The following CELF2 variants were observed in gnomAD, a reference collection of about 807,000 sequenced individuals.
CELF2 encodes the protein CUG triplet repeat RNA-binding protein 2.
In CELF2, 8 loss-of-function variants were observed where a neutral mutation model predicts 62.6. That is an observed-to-expected ratio of 0.13 (90% CI 0.07 to 0.23). The LOEUF (loss-of-function observed/expected upper bound fraction) is 0.23, where lower values mean the gene tolerates loss of function less well. CELF2 is among the 10% of genes least tolerant of loss of function. The pLI is 1.00. For missense variants in CELF2, 333 were observed against 671.0 expected (o/e 0.50, Z 5.56); for synonymous variants, 258 against 250.0 (o/e 1.03, Z -0.30).
chr10:11,105,169 C>T (rs1246826525), intron 1 of CELF2, among the ~76,000 whole-genome samples: 5 of 152,150 alleles, frequency 3.3e-5, no homozygotes, highest in African/African-American at 4.8e-5. Flanking sequence ...TTTCACTAAA[C>T]GAAAAACAAA....
the CELF2 span, among the ~76,000 whole-genome samples, chr10:10,779,213 A>G: frequency 6.6e-6 from 1 of 152,136 alleles, no homozygotes; most frequent in Non-Finnish European, 1.5e-5. Context: ...GCGTATCTCC[A>G]AGGTTTAAAG....
At chr10:11,024,138 G>C (rs1341692733) in intron 1 of CELF2, among the ~76,000 whole-genome samples, 2 of 152,132 alleles carry the variant, frequency 1.3e-5, no homozygotes, top group Non-Finnish European at 2.9e-5. Flanking sequence ...TTTTACTTAA[G>C]GTTGGGTTTT....
chr10:10,953,394 T>C (rs950870696), intron 2 of CELF2, among the ~76,000 whole-genome samples: 2 of 152,234 alleles, frequency 1.3e-5, no homozygotes, highest in African/African-American at 4.8e-5. Context: ...AGAAGAATAT[T>C]GAGTGTGCTT....
chr10:10,551,439 G>A, the CELF2 span, among the ~76,000 whole-genome samples: 10 of 152,052 alleles, frequency 6.6e-5, no homozygotes, highest in South Asian at 2.1e-4. Context: ...CCTTTGGCCC[G>A]GCAGCTGGGG....
chr10:11,060,520 T>C (rs2066469058), intron 1 of CELF2, among the ~76,000 whole-genome samples: 1 of 152,234 alleles, frequency 6.6e-6, no homozygotes, highest in African/African-American at 2.4e-5. Flanking sequence ...TTTAAAACTC[T>C]CCTTGGCTGC....
the CELF2 span, among the ~76,000 whole-genome samples, chr10:10,774,883 A>T: frequency 1.3e-3 from 186 of 145,476 alleles, no homozygotes; most frequent in Middle Eastern, 3.5e-3. Flanking sequence ...TTATTTATTT[A>T]TTTTTTTTTT....
At chr10:10,757,270 C>A in the CELF2 span, among the ~76,000 whole-genome samples, 6 of 151,794 alleles carry the variant, frequency 4.0e-5, no homozygotes, top group East Asian at 1.2e-3. Flanking sequence ...CCAGCCAGGA[C>A]AACAAAGCAA....
the CELF2 span, among the ~76,000 whole-genome samples, chr10:10,674,454 T>G: frequency 6.6e-6 from 1 of 152,226 alleles, no homozygotes; most frequent in South Asian, 2.1e-4. Flanking sequence ...AATTGAGTCT[T>G]GTTGTTTGAT....
In CELF2 at chr10:11,332,109, T is replaced by C. The variant is rs1555142359; in HGVS notation, c.*3056T>C. 3 of 152,230 alleles carry C rather than the reference T, an allele frequency of 2.0e-5. No individual in the cohort carries two copies. Among genetic ancestry groups the C allele is most frequent in the Non-Finnish European group, 2.9e-5 (2 of 68,032 alleles). 9.4% of individuals were successfully genotyped at this position (152,230 alleles called of 1,614,324 possible). ...TTTGGGAAAAGAATTCCTAATGTGC[T>C]ACTAGAATTCCTTCTTCAGTTTTAA... On this transcript the variant is annotated 3_prime_UTR_variant, in exon 13 of 13. Transcript: ENST00000633077.
intron 1 of CELF2, among the ~76,000 whole-genome samples, chr10:11,036,512 A>C (rs1217737211): frequency 6.6e-6 from 1 of 152,204 alleles, no homozygotes; most frequent in African/African-American, 2.4e-5. Flanking sequence ...CCCTAATCTT[A>C]TCTTTTGCTA....
intron 9 of CELF2, among the ~76,000 whole-genome samples, 199 bp downstream of exon 9, chr10:11,288,751 A>T (rs1003602181): frequency 1.3e-5 from 2 of 152,206 alleles, no homozygotes; most frequent in Non-Finnish European, 2.9e-5. Flanking sequence ...TTCCATGGAT[A>T]ATATGCAAAA....
At chr10:11,153,478 G>A (rs1369026966) in intron 1 of CELF2, among the ~76,000 whole-genome samples, 1 of 152,096 alleles carries the variant, frequency 6.6e-6, no homozygotes, top group African/African-American at 2.4e-5. Flanking sequence ...GCAAAGCCCA[G>A]TTACATTTGT....
At chr10:10,560,657 C>G in the CELF2 span, among the ~76,000 whole-genome samples, 7 of 152,128 alleles carry the variant, frequency 4.6e-5, no homozygotes, top group Non-Finnish European at 8.8e-5. Flanking sequence ...ATCCACCAAT[C>G]TCACTACTGG....
chr10:10,723,908 G>GT, the CELF2 span, among the ~76,000 whole-genome samples: 10 of 151,888 alleles, frequency 6.6e-5, no homozygotes, highest in South Asian at 2.1e-4. Flanking sequence ...GAAGACTAAG[G>GT]TTTTTTTTAA....
intron 1 of CELF2, among the ~76,000 whole-genome samples, chr10:10,806,052 A>G (rs1308625138): frequency 9.2e-5 from 14 of 152,210 alleles, no homozygotes; most frequent in Admixed American, 8.5e-4. Context: ...AGCTCTAAGC[A>G]TCTTTAGATG....
At chr10:10,560,933 G>A in the CELF2 span, among the ~76,000 whole-genome samples, 35,163 of 151,470 alleles carry the variant, frequency 0.23, 4,397 homozygotes, top group East Asian at 0.4. Context: ...ACTAAACATC[G>A]TATGTTCTCA....
At chr10:10,544,106 T>C in the CELF2 span, among the ~76,000 whole-genome samples, 7 of 152,206 alleles carry the variant, frequency 4.6e-5, no homozygotes, top group Admixed American at 3.9e-4. Flanking sequence ...GCATTCCACC[T>C]ATGAACGTTC....
chr10:11,013,571 C>A (rs1035288286), upstream of CELF2, among the ~76,000 whole-genome samples: 1 of 152,132 alleles, frequency 6.6e-6, no homozygotes, highest in East Asian at 1.9e-4. The surrounding 1 kb of genome is among the most constrained non-coding windows in gnomAD (Gnocchi z 4.1). Flanking sequence ...CAGAAAAACA[C>A]AAGATTGCAA....
intron 2 of CELF2, among the ~76,000 whole-genome samples, chr10:11,200,465 T>G (rs2058972761): frequency 6.6e-6 from 1 of 152,224 alleles, no homozygotes; most frequent in Non-Finnish European, 1.5e-5. Context: ...ATATTTCTTA[T>G]ACTCTGCAGA....
Sources: gnomAD v4.1 joint callset for allele counts (sites outside exome capture counted in the v4.1 genomes callset) on GRCh38, gnomAD v4.1.1 for gene constraint, Gnocchi (gnomAD v3.1) non-coding constraint, MANE v1.5 for transcripts, NCBI Gene and HGNC (gene_info 2026-07-23, HGNC 2026-07-21) for gene names.